Variants in ARRDC5 observed in about 807,000 individuals in gnomAD.
ARRDC5 encodes arrestin domain containing 5.
ARRDC5 carries 12 observed loss-of-function variants against 13.3 expected under a neutral mutation model. The observed-to-expected ratio is 0.90, with a 90% CI of 0.58 to 1.46. The LOEUF (loss-of-function observed/expected upper bound fraction) is 1.46, where lower values mean the gene tolerates loss of function less well. ARRDC5 is among the 40% of genes most tolerant of loss of function. ARRDC5 has a pLI of 0.00. For synonymous variants in ARRDC5, 181 were observed against 173.4 expected (o/e 1.04, Z -0.34); for missense variants, 406 against 418.7 (o/e 0.97, Z 0.26).
In ARRDC5 at chr19:4,896,798, C is replaced by T. The variant is rs865949181; in HGVS notation, c.332G>A (p.Ser111Asn). 6.2e-7 allele frequency: 1 copy of T among 1,613,826 alleles called. No homozygotes were observed. Residue 111 changes from serine (S) to asparagine (N), a missense_variant, in exon 2 of 3, where the codon AGC becomes AAC. Ser to Asn is a conservative substitution (Grantham distance 46). Coordinates refer to ENST00000650722, the MANE Select transcript of ARRDC5 (RefSeq NM_001080523.3). Reference sequence around the variant, plus strand: ...GAAATAGAAGACATGGCCAAATTTGCTGGTGAAGGTAGAAGGAAGCCTGGG... The same window carrying T: ...GAAATAGAAGACATGGCCAAATTTGTTGGTGAAGGTAGAAGGAAGCCTGGG... ...LPPRLPSTFT[S>N]KFGHVFYFVQ... is the part of the protein sequence containing the mutation.
chr19:4,906,607 G>T (rs2032069067), upstream of ARRDC5, among the ~76,000 whole-genome samples: 1 of 152,036 alleles, frequency 6.6e-6, no homozygotes, highest in African/African-American at 2.4e-5. Flanking sequence ...TAAAAAATTA[G>T]CCGGACATGG....
At chr19:4,892,765 G>A (rs2031554934) in intron 2 of ARRDC5, among the ~76,000 whole-genome samples, 2 of 151,938 alleles carry the variant, frequency 1.3e-5, no homozygotes, top group Middle Eastern at 3.2e-3. Flanking sequence ...TAAAAAAGTG[G>A]TTGCAACCTG....
intron 2 of ARRDC5, among the ~76,000 whole-genome samples, chr19:4,896,230 G>A (rs1289937486): frequency 7.4e-5 from 11 of 147,838 alleles, no homozygotes; most frequent in African/African-American, 2.2e-4. Context: ...CAGGAGAATC[G>A]CTTGAACCTG....
the ARRDC5 span, chr19:4,909,535 G>T: frequency 1.5e-6 from 1 of 659,854 alleles, no homozygotes; most frequent in Non-Finnish European, 2.7e-6. Flanking sequence ...AGCGTTTGCC[G>T]AGCGGGCGCT....
the ARRDC5 span, among the ~76,000 whole-genome samples, chr19:4,911,239 A>G: frequency 6.6e-6 from 1 of 152,060 alleles, no homozygotes; most frequent in African/African-American, 2.4e-5. Flanking sequence ...ACAGATTGAC[A>G]CGCTGGGCTG....
chr19:4,896,864 C>G lies in ARRDC5; in HGVS notation c.266G>C (p.Ser89Thr). ...GAAGTCAAAGGTGTGGCTGCCTGCA[C>G]TTAACCAATTATCTGAAAGCAAAAC... Reference protein sequence around the residue: ...KTFPVEDNWLSAGSHTFDFHF... With the variant: ...KTFPVEDNWLTAGSHTFDFHF... The change falls in exon 2 of 3, where the codon AGT (serine) becomes ACT (threonine). Residue 89 changes from serine to threonine, a missense_variant. Ser to Thr is a moderately conservative substitution (Grantham distance 58, BLOSUM62 1). Coordinates refer to ENST00000650722, the MANE Select transcript of ARRDC5 (RefSeq NM_001080523.3). 6.2e-7 allele frequency: 1 copy of G among 1,613,004 alleles called. No individual in the cohort carries two copies. Among genetic ancestry groups the G allele is most frequent in the Non-Finnish European group, 8.5e-7 (1 of 1,179,452 alleles).
chr19:4,908,774 C>T, the ARRDC5 span, among the ~76,000 whole-genome samples: 1 of 152,148 alleles, frequency 6.6e-6, no homozygotes, highest in Non-Finnish European at 1.5e-5. Flanking sequence ...AGGAATTTTC[C>T]CTCCCTGAGA....
At chr19:4,900,320 G>T (rs1030558804) in intron 1 of ARRDC5, among the ~76,000 whole-genome samples, 1 of 151,900 alleles carries the variant, frequency 6.6e-6, no homozygotes, top group South Asian at 2.1e-4. Context: ...GTTTCACCAT[G>T]TTGGCCAGGC....
the ARRDC5 span, among the ~76,000 whole-genome samples, chr19:4,907,988 A>G: frequency 6.6e-6 from 1 of 152,108 alleles, no homozygotes; most frequent in Non-Finnish European, 1.5e-5. Flanking sequence ...CTGGGATTAC[A>G]GGTGTGAGCC....
At chr19:4,900,173 A>C (rs575571517) in intron 1 of ARRDC5, among the ~76,000 whole-genome samples, 1 of 89,252 alleles carries the variant, frequency 1.1e-5, no homozygotes, top group Non-Finnish European at 2.1e-5. Flanking sequence ...TTTGAGACGG[A>C]GTCTCGCTTT....
In ARRDC5 at chr19:4,896,814, GA is replaced by G. The variant is rs1428047709; in HGVS notation, c.315del (p.Pro106LeufsTer26). On this transcript the variant is annotated frameshift_variant, in exon 2 of 3. Coordinates refer to ENST00000650722, the MANE Select transcript of ARRDC5 (RefSeq NM_001080523.3). LOFTEE classifies it high-confidence loss of function. ...CCAAATTTGCTGGTGAAGGTAGAAGGAAGCCTGGGAGGTAAGTTGAAATGGA... is the reference window on the plus strand; with the variant it reads ...CCAAATTTGCTGGTGAAGGTAGAAGGAGCCTGGGAGGTAAGTTGAAATGGA... ...FDFHFNLPPRLPSTFTSKFGH... is the reference protein window; with the variant it reads ...FDFHFNLPPRXPSTFTSKFGH... The G allele has an allele frequency of 6.2e-7, 1 of 1,613,820 alleles. No homozygotes were observed. Among genetic ancestry groups the G allele is most frequent in the East Asian group, 2.2e-5 (1 of 44,888 alleles).
chr19:4,910,017 G>T, the ARRDC5 span: 1 of 178,370 alleles, frequency 5.6e-6, no homozygotes. Context: ...GGAGCATCTG[G>T]GCCAATGGGG....
the ARRDC5 span, among the ~76,000 whole-genome samples, chr19:4,908,452 T>C: frequency 9.2e-5 from 14 of 152,174 alleles, no homozygotes; most frequent in East Asian, 2.5e-3. Context: ...ATATCACCCC[T>C]CTGACCTCAA....
At chr19:4,911,134 C>G in the ARRDC5 span, 8 of 1,254,374 alleles carry the variant, frequency 6.4e-6, no homozygotes, top group East Asian at 1.8e-4. Flanking sequence ...CCTCCCCCCC[C>G]AACAACCTCG....
chr19:4,906,089 G>T (rs1004944618), upstream of ARRDC5, among the ~76,000 whole-genome samples: 1 of 152,192 alleles, frequency 6.6e-6, no homozygotes, highest in Non-Finnish European at 1.5e-5. Flanking sequence ...AGGTCCTCCT[G>T]CATCAGTGTC....
At chr19:4,909,022 C>G in the ARRDC5 span, among the ~76,000 whole-genome samples, 1 of 152,164 alleles carries the variant, frequency 6.6e-6, no homozygotes, top group Non-Finnish European at 1.5e-5. Context: ...GTGGGGAGCC[C>G]TGGCAGGCCC....
At chr19:4,899,764 CAAA>C (rs1217500792) in intron 1 of ARRDC5, among the ~76,000 whole-genome samples, 862 of 67,972 alleles carry the variant, frequency 0.013, 5 homozygotes, top group South Asian at 0.041. Context: ...CCCGTCTCTA[CAAA>C]AAAAAAAAAA....
upstream of ARRDC5, among the ~76,000 whole-genome samples, chr19:4,906,054 G>A (rs1240723241): frequency 1.3e-5 from 2 of 152,194 alleles, no homozygotes. Context: ...ATGGCTCACT[G>A]TTGCCTTGAT....
At chr19:4,902,914 A>G, upstream of ARRDC5, 2 of 1,591,692 alleles carry the variant, frequency 1.3e-6, no homozygotes, top group Non-Finnish European at 1.7e-6. Flanking sequence ...TAATCCATCT[A>G]TGACATCACT....
Sources: allele counts gnomAD v4.1 joint callset (sites outside exome capture counted in the v4.1 genomes callset), GRCh38; gene constraint gnomAD v4.1.1; transcripts MANE v1.5; gene names NCBI Gene and HGNC (gene_info 2026-07-23, HGNC 2026-07-21).